Variants in ABCA2 observed in about 807,000 individuals in gnomAD.
The protein encoded by ABCA2 is ATP-binding cassette sub-family A member 2.
ABCA2 carries 84 observed loss-of-function variants against 262.8 expected under a neutral mutation model. The ratio of observed to expected loss-of-function variants is 0.32; its 90% CI spans 0.27 to 0.38. The LOEUF (loss-of-function observed/expected upper bound fraction) is 0.38. Ranked by LOEUF, ABCA2 falls within the 10% of genes least tolerant of loss-of-function variation. ABCA2 has a pLI of 1.00. For synonymous variants in ABCA2, 1,696 were observed against 1,502.9 expected (o/e 1.13, Z -2.97); for missense variants, 2,662 against 3,405.9 (o/e 0.78, Z 5.44).
Position 137,008,617 on chromosome 9 carries a change from G to A in ABCA2, c.7074C>T (p.Phe2358=), listed in dbSNP as rs369175136. 22 of 1,530,778 alleles carry A rather than the reference G, an allele frequency of 1.4e-5. No individual in the cohort carries two copies. Among genetic ancestry groups the A allele is most frequent in the African/African-American group, 9.7e-5 (7 of 72,186 alleles). The allele number at this position is 1,530,778 out of a possible 1,614,324, so 94.8% of individuals were successfully genotyped here. Reference sequence around the variant, plus strand: ...CACTCTGCTTCTTGGCAAAGTTCACGAACACCTGGTGGGTGGCGCAGGCGT... The same window carrying A: ...CACTCTGCTTCTTGGCAAAGTTCACAAACACCTGGTGGGTGGCGCAGGCGT... The part of the protein sequence containing the change: ...SVSQTTLDNV[F]VNFAKKQSDN... The change falls in exon 48 of 49, where the codon TTC becomes TTT. Residue 2358 remains phenylalanine (F), a synonymous_variant. Coordinates refer to ENST00000341511, the MANE Select transcript of ABCA2 (RefSeq NM_001606.5).
chr9:137,008,939 G>T lies in ABCA2; in HGVS notation c.6930+12C>A. Reference sequence around the variant, plus strand: ...TAGCGCCCCCTCCACAACCCTGCCCGGGACGGCGCACCTTGAGCATGGCTT... The same window carrying T: ...TAGCGCCCCCTCCACAACCCTGCCCTGGACGGCGCACCTTGAGCATGGCTT... On this transcript the variant is annotated intron_variant, in intron 46 of 48. Transcript: ENST00000341511. 1 of 965,330 alleles carries T rather than the reference G, an allele frequency of 1.0e-6. No individual in the cohort carries two copies. 59.8% of individuals were successfully genotyped at this position (965,330 alleles called of 1,614,324 possible). A position where few individuals can be genotyped will look rare whatever the true frequency, so the allele number is the denominator to read the frequency against.
rs758066729 is a variant in ABCA2 at position 137,019,213 on chromosome 9, C to T, written c.1519G>A (p.Gly507Ser). The stretch of plus-strand genomic sequence containing the variant: ...CAGCGCAGGTGTTGCTGCAGCCTGC[C>T]CTGCTCCAGGAAGCTGCGGATCTCC... Reference protein sequence around the residue: ...SAEIRSFLEQGRLQQHLRWLQ... With the variant: ...SAEIRSFLEQSRLQQHLRWLQ... Residue 507 changes from glycine (G) to serine (S), a missense_variant, in exon 11 of 49, where the codon GGC becomes AGC. Transcript: ENST00000341511. This position sits in a 1 kb window ranked among gnomAD's most constrained non-coding sequence, Gnocchi z 4.4. The T allele has an allele frequency of 1.9e-6, 3 of 1,612,628 alleles. No individual in the cohort carries two copies. The highest frequency in any genetic ancestry group is 1.1e-5 in the South Asian group (1 of 91,072).
At position 137,011,949 on chromosome 9, in the gene ABCA2, G is replaced by A. The variant is rs79966110; in HGVS notation, c.5430C>T (p.Phe1810=). The part of the protein sequence containing the change: ...IVAMSFVPAS[F]VVFLVAEKST... ...ACTTCTCGGCCACGAGGAAGACAAC[G>A]AAGCTGGCCGGCACGAAGGACATGG... The change falls in exon 35 of 49, where the codon TTC becomes TTT. Residue 1810 remains phenylalanine, a synonymous_variant. Transcript: ENST00000341511. This position sits in a 1 kb window ranked among gnomAD's most constrained non-coding sequence, Gnocchi z 8.8. 1.6e-3 allele frequency: 2,600 copies of A among 1,612,684 alleles called. 31 individuals are homozygous for A. In the African/African-American group the frequency reaches 0.029, roughly 18 times the overall value.
chr9:137,020,950 C>T lies in ABCA2; in HGVS notation c.1009G>A (p.Val337Met). 1 of 1,564,774 alleles carries T rather than the reference C, an allele frequency of 6.4e-7. No individual in the cohort carries two copies. The highest frequency in any genetic ancestry group is 8.7e-7 in the Non-Finnish European group (1 of 1,155,024). Residue 337 changes from valine (V) to methionine (M), a missense_variant, in exon 9 of 49, where the codon GTG becomes ATG. Val to Met is a conservative substitution (Grantham distance 21, BLOSUM62 1). Around this residue, in one of 12 missense-constraint regions of ABCA2, gnomAD observed 403 missense variants for 375.9 expected, o/e 1.07. Coordinates refer to ENST00000341511, the MANE Select transcript of ABCA2 (RefSeq NM_001606.5). ...AGGGCCAGGGCCGACAGGACATCCA[C>T]ATCCTGCAGAACCTTCTGGGCATCC... ...LLDAQKVLQDVDVLSALALLL... is the reference protein window; with the variant it reads ...LLDAQKVLQDMDVLSALALLL...
Position 137,023,015 on chromosome 9 carries a change from G to C in ABCA2, c.201C>G (p.Ile67Met). 2.5e-6 allele frequency: 4 copies of C among 1,595,062 alleles called. No homozygotes were observed. Among genetic ancestry groups the C allele is most frequent in the Non-Finnish European group, 3.4e-6 (4 of 1,171,890 alleles). ...GGCACAGCGATTGCATGACAGGCAG[G>C]ATGCCGGCAGACGTCAGGGGCGCCG... is the stretch of plus-strand genomic sequence containing the variant. ...YTAAPLTSAG[I>M]LPVMQSLCPD... Residue 67 changes from isoleucine (I) to methionine (M), a missense_variant, in exon 4 of 49, where the codon ATC becomes ATG. By Grantham distance (10) the Ile-to-Met change is conservative. Around this residue, in one of 12 missense-constraint regions of ABCA2, gnomAD observed 101 missense variants for 152.3 expected, o/e 0.66. Coordinates refer to ENST00000341511, the MANE Select transcript of ABCA2 (RefSeq NM_001606.5).
chr9:137,015,677 G>A lies in ABCA2; in HGVS notation c.3512C>T (p.Pro1171Leu), dbSNP rs1354805821. The A allele has an allele frequency of 6.2e-7, 1 of 1,609,052 alleles. No homozygotes were observed. The highest frequency in any genetic ancestry group is 1.3e-5 in the African/African-American group (1 of 74,842). ...AIWDLILKYK[P>L]GRTILLSTHH... is the part of the protein sequence containing the mutation. Reference sequence around the variant, plus strand: ...TGCCCACACGGCACCCCACTCACCTGGCTTGTACTTCAGGATGAGGTCCCA... The same window carrying A: ...TGCCCACACGGCACCCCACTCACCTAGCTTGTACTTCAGGATGAGGTCCCA... The change falls in exon 23 of 49, where the codon CCA becomes CTA. Residue 1171 changes from proline to leucine, a missense_variant and splice_region_variant. By Grantham distance (98) the Pro-to-Leu change is moderately conservative. Transcript: ENST00000341511.
At chr9:137,010,589 C>G in intron 40 of ABCA2, 31 bp downstream of exon 40, 1 of 1,235,730 alleles carries the variant, frequency 8.1e-7, no homozygotes, top group African/African-American at 1.5e-5. Flanking sequence ...CCTACCCCAC[C>G]CAGGCCCCAC....
At chr9:137,025,390 A>AG (rs1468035741) in intron 1 of ABCA2, among the ~76,000 whole-genome samples, 1 of 152,146 alleles carries the variant, frequency 6.6e-6, no homozygotes, top group African/African-American at 2.4e-5. Context: ...CCCTAGCCCG[A>AG]GGGCGAGCAC....
chr9:137,015,193 G>T, intron 24 of ABCA2, 96 bp from the exon 25 acceptor site: 1 of 1,386,874 alleles, frequency 7.2e-7, no homozygotes, highest in Non-Finnish European at 9.7e-7. Context: ...GGGCATTGGA[G>T]AGGAAGAACC....
rs967287485 is a variant in ABCA2, at chr9:137,010,017, C to T, written c.6461G>A (p.Arg2154Gln). ...TAREHLQLYT[R>Q]LRGISWKDEA... ...GTCCTTCCAGGAGATCCCACGCAGC[C>T]GCGTGTACAGCTGCAGGTGCTCCCG... is the stretch of plus-strand genomic sequence containing the variant. Residue 2154 changes from arginine to glutamine, a missense_variant, in exon 42 of 49, where the codon CGG (arginine) becomes CAG (glutamine). By Grantham distance (43) the Arg-to-Gln change is conservative. Around this residue, in one of 12 missense-constraint regions of ABCA2, gnomAD observed 602 missense variants for 897.4 expected, o/e 0.67. Transcript: ENST00000341511. 9.4e-6 allele frequency: 15 copies of T among 1,599,306 alleles called. No individual in the cohort carries two copies. The highest frequency in any genetic ancestry group is 3.4e-5 in the Admixed American group (2 of 58,502).
At chr9:137,023,088 G>A (rs1303460684) in intron 3 of ABCA2, 36 bp from the exon 4 acceptor site, 3 of 1,482,202 alleles carry the variant, frequency 2.0e-6, no homozygotes, top group Non-Finnish European at 2.8e-6. Context: ...GGTCGGGGGT[G>A]AAAGGGGAGA....
At position 137,013,061 on chromosome 9, in the gene ABCA2, G is replaced by T; in HGVS notation, c.4808C>A (p.Ala1603Glu). ...GGCCTGCAGGTCCTCATCCGGGGAC[G>T]CTGGCGAGTCAGATGGGGCGGGCGA... ...PPSPAPSDSP[A>E]SPDEDLQAWN... The change falls in exon 30 of 49, where the codon GCG becomes GAG. Residue 1603 changes from alanine (A) to glutamate (E), a missense_variant. Coordinates refer to ENST00000341511, the MANE Select transcript of ABCA2 (RefSeq NM_001606.5). The T allele has an allele frequency of 6.4e-6, 10 of 1,557,622 alleles. No homozygotes were observed. Among genetic ancestry groups the T allele is most frequent in the South Asian group, 2.3e-5 (2 of 85,564 alleles).
rs1831107838 is a variant in ABCA2 at position 137,012,801 on chromosome 9, C to T, written c.4992G>A (p.Arg1664=). The T allele has an allele frequency of 6.2e-7, 1 of 1,612,206 alleles. No individual in the cohort carries two copies. Among genetic ancestry groups the T allele is most frequent in the Admixed American group, 1.7e-5 (1 of 59,956 alleles). Residue 1664 remains arginine (R), a synonymous_variant, in exon 31 of 49, where the codon CGG becomes CGA. Coordinates refer to ENST00000341511, the MANE Select transcript of ABCA2 (RefSeq NM_001606.5). The stretch of plus-strand genomic sequence containing the variant: ...CGGTCAGGATGTCGCCTGTGACCAC[C>T]CGCATCTGGGGCGGGTGCCCGCCCA... The part of the protein sequence containing the change: ...SSVGGHPPQM[R]VVTGDILTDI...
chr9:137,021,085 CA>C lies in ABCA2; in HGVS notation c.898-25del. 6.8e-7 allele frequency: 1 copy of C among 1,464,866 alleles called. No individual in the cohort carries two copies. The highest frequency in any genetic ancestry group is 1.4e-5 in the South Asian group (1 of 70,706). 90.7% of individuals were successfully genotyped at this position (1,464,866 alleles called of 1,614,324 possible). ...AGCTGAGGGGAAACAGGCACGTGGG[CA>C]GTGCGGGGTGAGATGGACTGCAGGT... On this transcript the variant is annotated intron_variant, in intron 8 of 48. Transcript: ENST00000341511. The surrounding 1 kb of genome is among the most constrained non-coding windows in gnomAD (Gnocchi z 6.0).
intron 45 of ABCA2, 50 bp downstream of exon 45, chr9:137,009,320 C>T (rs918392069): frequency 2.9e-6 from 4 of 1,387,760 alleles, no homozygotes; most frequent in East Asian, 5.1e-5. Flanking sequence ...GCTGCCTGGC[C>T]GCCCCCCCCG....
rs200025041 is a variant in ABCA2, at chr9:137,017,734, C to T, written c.2212-42G>A. On this transcript the variant is annotated intron_variant, in intron 16 of 48. Transcript: ENST00000341511. The stretch of plus-strand genomic sequence containing the variant: ...GGCTTGGGGCAGGCCCCGGGGAGGA[C>T]GCCGCCCCTCCCTGCCAGCCCGCGC... The T allele has an allele frequency of 3.2e-4, 517 of 1,608,390 alleles. 2 individuals carry two copies. The African/African-American group carries it at 5.2e-3, about 16-fold the overall frequency.
Position 137,021,742 on chromosome 9 carries a change from C to T in ABCA2, c.679-132G>A. Reference sequence around the variant, plus strand: ...CTGGGTCCCACGACATGCCTCTACCCCTCATGCCTGCCATAGACCCCTGGG... The same window carrying T: ...CTGGGTCCCACGACATGCCTCTACCTCTCATGCCTGCCATAGACCCCTGGG... On this transcript the variant is annotated intron_variant, in intron 7 of 48. Coordinates refer to ENST00000341511, the MANE Select transcript of ABCA2 (RefSeq NM_001606.5). This position sits in a 1 kb window ranked among gnomAD's most constrained non-coding sequence, Gnocchi z 6.0. 8.1e-7 allele frequency: 1 copy of T among 1,229,744 alleles called. No homozygotes were observed. The highest frequency in any genetic ancestry group is 1.4e-5 in the South Asian group (1 of 70,918). The allele number at this position is 1,229,744 out of a possible 1,614,324, so 76.2% of individuals were successfully genotyped here.
chr9:137,010,615 C>T lies in ABCA2; in HGVS notation c.6174+5G>A. ...CAGGCCCCACCCTACATGCCCAGAGCCCACCTTGGTCAGGTTCTCAATCTT... is the reference window on the plus strand; with the variant it reads ...CAGGCCCCACCCTACATGCCCAGAGTCCACCTTGGTCAGGTTCTCAATCTT... On this transcript the variant is annotated splice_donor_5th_base_variant and intron_variant, in intron 40 of 48. Coordinates refer to ENST00000341511, the MANE Select transcript of ABCA2 (RefSeq NM_001606.5). 6.5e-7 allele frequency: 1 copy of T among 1,537,434 alleles called. No individual in the cohort carries two copies. The highest frequency in any genetic ancestry group is 9.0e-7 in the Non-Finnish European group (1 of 1,112,934).
intron 48 of ABCA2, 73 bp downstream of exon 48, chr9:137,008,343 C>T (rs745893296): frequency 1.8e-5 from 28 of 1,520,976 alleles, no homozygotes; most frequent in East Asian, 1.7e-4. Context: ...CGACCCCACC[C>T]GCGGCTGGAG....
Sources: allele counts gnomAD v4.1 joint callset (sites outside exome capture counted in the v4.1 genomes callset), GRCh38; gene constraint gnomAD v4.1.1; regional missense constraint gnomAD v4.1.1; non-coding constraint Gnocchi (gnomAD v3.1); transcripts MANE v1.5; gene names NCBI Gene and HGNC (gene_info 2026-07-23, HGNC 2026-07-21).